The following GAK variants were observed in gnomAD, a reference collection of about 807,000 sequenced individuals.
GAK encodes the protein cyclin G associated kinase.
Under a neutral mutation model 143.9 loss-of-function variants are expected in GAK, and 79 were observed. That is an observed-to-expected ratio of 0.55 (90% CI 0.46 to 0.66). The LOEUF (loss-of-function observed/expected upper bound fraction) is 0.66, where lower values mean the gene tolerates loss of function less well. Ranked by LOEUF, GAK falls within the 30% of genes least tolerant of loss-of-function variation. GAK has a pLI of 0.00. For missense variants in GAK, 1,693 were observed against 1,779.7 expected (o/e 0.95, Z 0.88); for synonymous variants, 881 against 765.5 (o/e 1.15, Z -2.49).
chr4:887,298 G>T (rs555861354), intron 11 of GAK: 2 of 144,770 alleles, frequency 1.4e-5, no homozygotes, highest in Non-Finnish European at 1.5e-5. Context: ...CGGCTCACGC[G>T]CACTCACACG....
intron 9 of GAK, among the ~76,000 whole-genome samples, chr4:892,419 G>A (rs1452845653): frequency 6.6e-6 from 1 of 152,240 alleles, no homozygotes; most frequent in African/African-American, 2.4e-5. Flanking sequence ...GCCGGGCCGC[G>A]TGTCTGCTCT....
intron 24 of GAK, chr4:859,216 G>A (rs755194340): frequency 5.0e-4 from 595 of 1,185,842 alleles, no homozygotes; most frequent in Non-Finnish European, 6.0e-4. Context: ...ACTGGAGAGG[G>A]TGGGCTCGGT....
chr4:862,079 C>T (rs1431838551), intron 23 of GAK, among the ~76,000 whole-genome samples: 3 of 151,848 alleles, frequency 2.0e-5, no homozygotes, highest in Non-Finnish European at 4.4e-5. Context: ...AGGCTGCACC[C>T]GCCAGACTCT....
chr4:906,177 C>T (rs554061044), intron 4 of GAK, among the ~76,000 whole-genome samples: 5 of 147,072 alleles, frequency 3.4e-5, no homozygotes, highest in South Asian at 4.2e-4. Flanking sequence ...TCTCAGCAGC[C>T]GAGCCGGCGA....
intron 1 of GAK, among the ~76,000 whole-genome samples, chr4:924,773 C>T (rs540619367): frequency 3.3e-5 from 5 of 152,234 alleles, no homozygotes; most frequent in African/African-American, 1.2e-4. Flanking sequence ...CCCGGGGCTG[C>T]TCTCAGGATA....
intron 21 of GAK, 36 bp from the exon 22 acceptor site, chr4:866,570 C>G: frequency 1.2e-6 from 2 of 1,600,152 alleles, no homozygotes; most frequent in South Asian, 2.2e-5. Flanking sequence ...GGACTCAGCC[C>G]GGCTGCCTGA....
At position 856,801 on chromosome 4, in the gene GAK, C is replaced by T. The variant is rs117574529; in HGVS notation, c.3283+2805G>A. ...ATATTGCTCAAGCTGGTTTCAAACT[C>T]CTGGGTTCAGGAAATCCTCCCACGT... is the stretch of plus-strand genomic sequence containing the variant. On this transcript the variant is annotated intron_variant, in intron 24 of 27. Coordinates refer to ENST00000314167, the MANE Select transcript of GAK (RefSeq NM_005255.4). 8.5e-5 allele frequency among the ~76,000 whole-genome samples: 13 copies of T among 152,376 alleles called. No individual in the cohort carries two copies. In the East Asian group the frequency reaches 2.5e-3, roughly 29 times the overall value.
Position 856,471 on chromosome 4 carries a change from GCTCACCACCACAGCTGCTCACACCTA to G in GAK, c.3283+3109_3283+3134del, listed in dbSNP as rs1214969331. Among the ~76,000 whole-genome samples the G allele has an allele frequency of 3.7e-3, 507 of 137,316 alleles. 5 individuals carry two copies. Among genetic ancestry groups the G allele is most frequent in the South Asian group, 0.012 (50 of 4,210 alleles). The allele number at this position is 137,316 out of a possible 152,430, so 90.1% of individuals were successfully genotyped here. ...CTCACTACAGCTGCTCACCACAGCT[GCTCACCACCACAGCTGCTCACACCTA>G]CTCACCACCACAGCTGCTCACACCT... On this transcript the variant is annotated intron_variant, in intron 24 of 27. Transcript: ENST00000314167.
intron 5 of GAK, 122 bp from the exon 6 acceptor site, chr4:898,280 G>A (rs572254030): frequency 6.0e-6 from 7 of 1,157,468 alleles, no homozygotes; most frequent in East Asian, 2.6e-5. Flanking sequence ...CCAGGGCCAC[G>A]GCTGCCGGGT....
chr4:856,791 G>C (rs932516899), intron 24 of GAK, among the ~76,000 whole-genome samples: 33 of 152,212 alleles, frequency 2.2e-4, no homozygotes, highest in Non-Finnish European at 1.5e-5. Flanking sequence ...GCTCAAGCTG[G>C]TTTCAAACTC....
intron 11 of GAK, among the ~76,000 whole-genome samples, chr4:885,135 G>A (rs1204817081): frequency 2.0e-5 from 3 of 152,010 alleles, no homozygotes; most frequent in Non-Finnish European, 4.4e-5. Flanking sequence ...CACCGAGCAG[G>A]TGCTGACACA....
rs751072626 is a variant in GAK at position 870,769 on chromosome 4, C to T, written c.2190G>A (p.Leu730=). 2 of 1,614,120 alleles carry T rather than the reference C, an allele frequency of 1.2e-6. No homozygotes were observed. The highest frequency in any genetic ancestry group is 1.7e-6 in the Non-Finnish European group (2 of 1,180,010). The part of the protein sequence containing the change: ...PPWENSSMRG[L]NPKILFSSRE... ...GGCTGGAAAACAGGATTTTGGGGTT[C>T]AGCCCCCTCATGCTCGAGTTCTCCC... is the stretch of plus-strand genomic sequence containing the variant. The change falls in exon 19 of 28, where the codon CTG becomes CTA. Residue 730 remains leucine (L), a synonymous_variant. Coordinates refer to ENST00000314167, the MANE Select transcript of GAK (RefSeq NM_005255.4).
In GAK at chr4:866,368, G is replaced by A; in HGVS notation, c.3039C>T (p.His1013=). ...PPPSCSADFL[H]LGDLPGEPSK... ...TGCCAGGCGAGAGGCACTTACCCAG[G>A]TGCAGGAAGTCGGCGCTGCAGGATG... Residue 1013 remains histidine, a synonymous_variant, in exon 22 of 28, where the codon CAC becomes CAT. Transcript: ENST00000314167. 1.2e-6 allele frequency: 2 copies of A among 1,613,938 alleles called. No homozygotes were observed. Among genetic ancestry groups the A allele is most frequent in the South Asian group, 1.1e-5 (1 of 91,088 alleles).
intron 1 of GAK, among the ~76,000 whole-genome samples, chr4:914,371 C>CA (rs1560428563): frequency 1.9e-4 from 19 of 102,002 alleles, no homozygotes; most frequent in Non-Finnish European, 2.8e-4. Flanking sequence ...GCACGGCCCC[C>CA]ACACACACAG....
intron 11 of GAK, chr4:884,397 G>A (rs1715827659): frequency 2.9e-6 from 1 of 345,318 alleles, no homozygotes; most frequent in Non-Finnish European, 5.4e-6. Flanking sequence ...GCACGGCCCA[G>A]GAGTGGGCTG....
chr4:871,674 C>T (rs1220792114), intron 18 of GAK, among the ~76,000 whole-genome samples: 2 of 149,526 alleles, frequency 1.3e-5, no homozygotes, highest in African/African-American at 4.9e-5. Flanking sequence ...CAGCAGGGCC[C>T]ACCTTGGGGT....
intron 24 of GAK, among the ~76,000 whole-genome samples, chr4:858,734 C>T (rs775224176): frequency 6.6e-5 from 10 of 152,142 alleles, no homozygotes; most frequent in Admixed American, 2.6e-4. Context: ...AAAGCCAGCC[C>T]GGGAGAGAGT....
At chr4:900,283 G>A (rs1719621644) in intron 5 of GAK, among the ~76,000 whole-genome samples, 1 of 152,238 alleles carries the variant, frequency 6.6e-6, no homozygotes. Context: ...CGGGGCAGGC[G>A]AGTGGGGCCA....
intron 21 of GAK, 55 bp downstream of exon 21, chr4:866,901 A>G: frequency 1.6e-6 from 2 of 1,282,414 alleles, no homozygotes; most frequent in Middle Eastern, 2.9e-4. Context: ...AGAATGACTC[A>G]GCCTCATCAC....
Sources: gnomAD v4.1 joint callset for allele counts (sites outside exome capture counted in the v4.1 genomes callset) on GRCh38, gnomAD v4.1.1 for gene constraint, MANE v1.5 for transcripts, NCBI Gene and HGNC (gene_info 2026-07-23, HGNC 2026-07-21) for gene names.